PCF11: variants seen among roughly 807,000 people sequenced by gnomAD.
The protein encoded by PCF11 is PCF11 cleavage and polyadenylation factor subunit.
A neutral mutation model predicts 166.1 loss-of-function variants in PCF11; 19 were observed. The ratio of observed to expected loss-of-function variants is 0.11; its 90% CI spans 0.08 to 0.17. The LOEUF is 0.17. PCF11 is among the 10% of genes least tolerant of loss of function. The pLI is 1.00. For missense variants in PCF11, 1,565 were observed against 1,855.5 expected, an observed-to-expected ratio of 0.84 and a Z score of 2.88; for synonymous variants, 663 against 644.1, an observed-to-expected ratio of 1.03 and a Z score of -0.44.
At chr11:83,177,765 A>G (rs750401431) in exon 11 of PCF11, 15 of 1,544,592 alleles carry the variant, frequency 9.7e-6, no homozygotes, top group Non-Finnish European at 8.8e-7. Context: ...GAAGATCAAA[A>G]TGAAGATCAA....
At chr11:83,170,365 T>C (rs11233500) in intron 8 of PCF11, among the ~76,000 whole-genome samples, 68,426 of 151,900 alleles carry the variant, frequency 0.45, 17,624 homozygotes, top group African/African-American at 0.71. Flanking sequence ...AGCCATAGAA[T>C]TGATTGAACT....
chr11:83,176,764 C>A (rs1860897976), intron 9 of PCF11, among the ~76,000 whole-genome samples: 1 of 151,482 alleles, frequency 6.6e-6, no homozygotes, highest in Non-Finnish European at 1.5e-5. Flanking sequence ...TGCAGCAAAT[C>A]AACATGGCAC....
chr11:83,169,639 G>T (rs747061388), exon 8 of PCF11: 2 of 1,613,964 alleles, frequency 1.2e-6, no homozygotes, highest in Admixed American at 3.3e-5. Context: ...ACATCAGCAA[G>T]CATCAAGGTT....
intron 1 of PCF11, among the ~76,000 whole-genome samples, chr11:83,161,088 A>AATT (rs569698815): frequency 8.7e-4 from 133 of 152,320 alleles, no homozygotes; most frequent in South Asian, 7.9e-3. Context: ...TGAGTGTTAA[A>AATT]TGAGTATATT....
chr11:83,168,934 G>A (rs758942043), exon 8 of PCF11: 9 of 1,613,748 alleles, frequency 5.6e-6, no homozygotes, highest in Non-Finnish European at 7.6e-6. Context: ...GAGATTTGAG[G>A]GACCAGGAGG....
exon 1 of PCF11, chr11:83,157,311 C>T (rs1310300622): frequency 6.6e-6 from 5 of 761,586 alleles, no homozygotes; most frequent in South Asian, 3.6e-5. Flanking sequence ...CCCCCCTCCG[C>T]GGTCAGCATG....
Position 83,170,010 on chromosome 11 carries a change from C to A in PCF11, c.3660+15C>A. On this transcript the variant is annotated intron_variant, in intron 8 of 15. Coordinates refer to ENST00000298281, the Ensembl canonical transcript of PCF11. ...CATCTCAACAGGTAAGTCTGTTATT[C>A]TAAAATTGCGTTGTATGCAGATAAG... 1 of 1,548,806 alleles carries A rather than the reference C, an allele frequency of 6.5e-7. No individual in the cohort carries two copies. Among genetic ancestry groups the A allele is most frequent in the South Asian group, 1.2e-5 (1 of 80,242 alleles).
exon 8 of PCF11, chr11:83,168,635 A>T: frequency 6.2e-7 from 1 of 1,613,972 alleles, no homozygotes; most frequent in Non-Finnish European, 8.5e-7. Flanking sequence ...GGCCCAACGA[A>T]GATGATTTTT....
chr11:83,157,319 A>T lies in PCF11; in HGVS notation c.-121A>T, dbSNP rs1175771749. On this transcript the variant is annotated 5_prime_UTR_variant, in exon 1 of 16. It removes an upstream start codon present in the reference 5' UTR. Transcript: ENST00000298281. ...CCCCCATCCCCCCTCCGCGGTCAGC[A>T]TGTGGTGAAGCCGGAGCCGCGAGAG... 3 of 838,906 alleles carry T rather than the reference A, an allele frequency of 3.6e-6. No homozygotes were observed. The highest frequency in any genetic ancestry group is 5.5e-6 in the Non-Finnish European group (3 of 542,570). 52.0% of individuals were successfully genotyped at this position (838,906 alleles called of 1,614,324 possible).
chr11:83,185,885 T>C (rs1861273807), exon 16 of PCF11: 1 of 152,668 alleles, frequency 6.6e-6, no homozygotes. Flanking sequence ...AACATGGTAC[T>C]TGCTATGAGC....
At chr11:83,181,250 G>C (rs1012947630) in intron 12 of PCF11, 59 bp downstream of exon 12, 3 of 608,818 alleles carry the variant, frequency 4.9e-6, no homozygotes, top group Non-Finnish European at 7.3e-6. Context: ...CATTCTAAAA[G>C]TATATTAATT....
exon 1 of PCF11, chr11:83,157,300 T>A: frequency 1.4e-6 from 1 of 709,496 alleles, no homozygotes; most frequent in South Asian, 1.8e-5. Flanking sequence ...TCGTCCCCCA[T>A]CCCCCCTCCG....
chr11:83,165,762 G>A lies in PCF11; in HGVS notation c.865G>A (p.Asp289Asn). The A allele has an allele frequency of 1.9e-6, 3 of 1,613,302 alleles. No individual in the cohort carries two copies. The highest frequency in any genetic ancestry group is 2.5e-6 in the Non-Finnish European group (3 of 1,179,642). Residue 289 changes from aspartate (D) to asparagine (N), a missense_variant, in exon 5 of 16, where the codon GAT (aspartate) becomes AAT (asparagine). Around this residue, in one of 12 missense-constraint regions of PCF11, gnomAD observed 468 missense variants for 483.4 expected, o/e 0.97. Coordinates refer to ENST00000298281, the Ensembl canonical transcript of PCF11. ...TCCAGGACCATCCTTACAAATTCAG[G>A]ATTTAAAAGGAACTAACCGGGATCC...
At chr11:83,166,477 A>G (rs778794065) in exon 5 of PCF11, 2 of 1,614,022 alleles carry the variant, frequency 1.2e-6, no homozygotes, top group East Asian at 4.5e-5. Context: ...TCTGGAGCTA[A>G]GCAGTCACAT....
chr11:83,171,409 A>G, intron 8 of PCF11: 1 of 369,406 alleles, frequency 2.7e-6, no homozygotes, highest in East Asian at 7.6e-5. Context: ...TTGTGTATAG[A>G]TCATATTGCA....
intron 10 of PCF11, 98 bp downstream of exon 10, chr11:83,177,302 C>T (rs577860505): frequency 7.7e-6 from 7 of 910,524 alleles, no homozygotes; most frequent in Middle Eastern, 3.6e-4. Context: ...AAGGTCCTTA[C>T]AATAATTGAA....
intron 4 of PCF11, among the ~76,000 whole-genome samples, chr11:83,165,264 T>A (rs1860404200): frequency 6.6e-6 from 1 of 152,338 alleles, no homozygotes; most frequent in Non-Finnish European, 1.5e-5. Flanking sequence ...TGACTCTGAT[T>A]CTTGTGCAGC....
rs1441215396 is a variant in PCF11, at chr11:83,164,516, TC to T, written c.702+116del. 3 of 721,180 alleles carry T rather than the reference TC, an allele frequency of 4.2e-6. No homozygotes were observed. In the Admixed American group the frequency reaches 9.1e-5, roughly 22 times the overall value. 44.7% of individuals were successfully genotyped at this position (721,180 alleles called of 1,614,324 possible). ...CTTTTATTAATAGTGTACTCTTTTT[TC>T]ACTTTTATTTTACAAATGAGTATAT... On this transcript the variant is annotated intron_variant, in intron 4 of 15. Coordinates refer to ENST00000298281, the Ensembl canonical transcript of PCF11.
At chr11:83,159,495 G>C (rs1029967067) in intron 1 of PCF11, among the ~76,000 whole-genome samples, 3 of 152,078 alleles carry the variant, frequency 2.0e-5, no homozygotes, top group Non-Finnish European at 4.4e-5. Context: ...TTCGAGAACC[G>C]AAAACTAAAT....
Sources: gnomAD v4.1 joint callset for allele counts (sites outside exome capture counted in the v4.1 genomes callset) on GRCh38, gnomAD v4.1.1 for gene constraint, gnomAD v4.1.1 regional missense constraint, MANE v1.5 for transcripts, NCBI Gene and HGNC (gene_info 2026-07-23, HGNC 2026-07-21) for gene names.